The following TENM4 variants were observed in gnomAD, a reference collection of about 807,000 sequenced individuals.
TENM4 encodes the protein teneurin transmembrane protein 4.
A neutral mutation model predicts 243.3 loss-of-function variants in TENM4; 82 were observed. The ratio of observed to expected loss-of-function variants is 0.34; its 90% CI spans 0.28 to 0.40. The LOEUF is 0.40. Ranked by LOEUF, TENM4 falls within the 10% of genes least tolerant of loss-of-function variation. The probability of loss-of-function intolerance (pLI) is 1.00; values close to 1 mark genes in which losing one functional copy is unlikely to be tolerated. For synonymous variants in TENM4, 1,412 were observed against 1,456.3 expected (o/e 0.97, Z 0.69); for missense variants, 3,138 against 3,673.3 (o/e 0.85, Z 3.77).
chr11:79,008,727 A>G (rs1858558475), intron 6 of TENM4, among the ~76,000 whole-genome samples: 1 of 152,186 alleles, frequency 6.6e-6, no homozygotes, highest in Admixed American at 6.5e-5. Context: ...ATCTGGTAAC[A>G]TAAAGCTTTG....
chr11:78,807,955 A>G (rs113056434), intron 14 of TENM4, among the ~76,000 whole-genome samples: 1 of 152,360 alleles, frequency 6.6e-6, no homozygotes, highest in Non-Finnish European at 1.5e-5. Context: ...AGCAAATGAC[A>G]TGATGATTTG....
intron 2 of TENM4, among the ~76,000 whole-genome samples, chr11:79,234,650 A>T (rs1350892987): frequency 6.6e-6 from 1 of 152,196 alleles, no homozygotes; most frequent in Non-Finnish European, 1.5e-5. Context: ...GAGTTCTCAG[A>T]GGCTCCTTTC....
chr11:79,120,521 A>T (rs1262808400), intron 4 of TENM4, among the ~76,000 whole-genome samples: 4 of 152,198 alleles, frequency 2.6e-5, no homozygotes, highest in Non-Finnish European at 5.9e-5. Context: ...TACTGGTAGG[A>T]TTTGGGCAGT....
chr11:79,257,827 C>A (rs1452068164), intron 2 of TENM4, among the ~76,000 whole-genome samples: 1 of 152,172 alleles, frequency 6.6e-6, no homozygotes, highest in Non-Finnish European at 1.5e-5. Context: ...CCTGACTCCA[C>A]AAATGCTATC....
chr11:78,896,582 C>T (rs1565428596), intron 7 of TENM4, among the ~76,000 whole-genome samples: 1 of 152,126 alleles, frequency 6.6e-6, no homozygotes. Flanking sequence ...TCAAGAGACT[C>T]CCTGTGCTCC....
intron 12 of TENM4, among the ~76,000 whole-genome samples, chr11:78,850,061 C>CTCTG (rs1555089896): frequency 2.0e-5 from 3 of 149,786 alleles, no homozygotes; most frequent in Admixed American, 1.3e-4. Flanking sequence ...TTTCAGTGCT[C>CTCTG]TGTGTGTGTG....
At chr11:79,396,903 G>C (rs760504430) in intron 1 of TENM4, among the ~76,000 whole-genome samples, 1 of 152,210 alleles carries the variant, frequency 6.6e-6, no homozygotes, top group Non-Finnish European at 1.5e-5. Context: ...GAGTCGGTTT[G>C]CCAAGGCAAA....
intron 6 of TENM4, among the ~76,000 whole-genome samples, chr11:79,048,949 C>T (rs1246767955): frequency 6.6e-6 from 1 of 152,128 alleles, no homozygotes; most frequent in African/African-American, 2.4e-5. Context: ...TCATTTTATC[C>T]AGTTGCTCAA....
At chr11:78,843,464 G>C (rs928467476) in intron 12 of TENM4, among the ~76,000 whole-genome samples, 1 of 152,000 alleles carries the variant, frequency 6.6e-6, no homozygotes, top group African/African-American at 2.4e-5. Flanking sequence ...TCCAGCCTGG[G>C]TGACAAAGCA....
In TENM4 at chr11:78,920,361, G is replaced by A. The variant is rs570208657; in HGVS notation, c.494-16838C>T. 9.2e-5 allele frequency among the ~76,000 whole-genome samples: 14 copies of A among 152,224 alleles called. No homozygotes were observed. In the East Asian group the frequency reaches 1.5e-3, roughly 17 times the overall value. ...ATAAAGTTCTGACTATTTCTACTTC[G>A]TAAGAAAAATGTCCTGTAATGATCT... On this transcript the variant is annotated intron_variant, in intron 6 of 33. Transcript: ENST00000278550.
intron 4 of TENM4, among the ~76,000 whole-genome samples, chr11:79,131,961 A>G (rs190068987): frequency 1.3e-5 from 2 of 152,224 alleles, no homozygotes; most frequent in African/African-American, 4.8e-5. Context: ...ATAATGGTAA[A>G]AGGCCTTGTC....
chr11:78,987,349 TCA>T (rs1192807522), intron 6 of TENM4, among the ~76,000 whole-genome samples: 2 of 152,236 alleles, frequency 1.3e-5, no homozygotes, highest in African/African-American at 2.4e-5. Context: ...TGGATGCATC[TCA>T]CAGATTCTTT....
At chr11:78,832,774 G>T (rs955476641) in intron 12 of TENM4, among the ~76,000 whole-genome samples, 2 of 152,164 alleles carry the variant, frequency 1.3e-5, no homozygotes, top group African/African-American at 4.8e-5. Context: ...AAGAGCAGGT[G>T]GAGGAATTTG....
intron 6 of TENM4, among the ~76,000 whole-genome samples, chr11:79,024,150 A>G (rs1414958191): frequency 1.3e-5 from 2 of 152,186 alleles, no homozygotes; most frequent in Non-Finnish European, 2.9e-5. Flanking sequence ...ACTTGGAGAA[A>G]GTTTGGAAAA....
intron 6 of TENM4, among the ~76,000 whole-genome samples, chr11:78,955,453 T>C (rs1292233992): frequency 6.6e-6 from 1 of 152,204 alleles, no homozygotes; most frequent in Non-Finnish European, 1.5e-5. Flanking sequence ...ACCATGACCA[T>C]TTCAACAGGG....
chr11:79,212,986 C>A (rs1863981759), intron 3 of TENM4, among the ~76,000 whole-genome samples: 1 of 152,084 alleles, frequency 6.6e-6, no homozygotes, highest in South Asian at 2.1e-4. Context: ...GTAACTGGGT[C>A]CTATCTGTGT....
At chr11:79,429,367 C>T (rs900598129) in intron 1 of TENM4, among the ~76,000 whole-genome samples, 12 of 152,130 alleles carry the variant, frequency 7.9e-5, no homozygotes, top group African/African-American at 2.4e-4. Flanking sequence ...CACTCGCCAC[C>T]GGACTGTGCT....
At chr11:79,216,516 T>G (rs11237765) in intron 2 of TENM4, among the ~76,000 whole-genome samples, 6,929 of 152,266 alleles carry the variant, frequency 0.046, 256 homozygotes, top group East Asian at 0.19. Flanking sequence ...GGAACCTAAA[T>G]TCCTCAATGT....
chr11:78,766,258 T>C (rs1236203954), intron 18 of TENM4, among the ~76,000 whole-genome samples: 4 of 152,206 alleles, frequency 2.6e-5, no homozygotes, highest in Admixed American at 6.5e-5. Flanking sequence ...TTTCAATATA[T>C]AACCTGTGAT....
Sources: gnomAD v4.1 joint callset for allele counts (sites outside exome capture counted in the v4.1 genomes callset) on GRCh38, gnomAD v4.1.1 for gene constraint, MANE v1.5 for transcripts, NCBI Gene and HGNC (gene_info 2026-07-23, HGNC 2026-07-21) for gene names.